The following MAF variants were observed in gnomAD, a reference collection of about 807,000 sequenced individuals.
The protein encoded by MAF is MAF bZIP transcription factor.
MAF carries 10 observed loss-of-function variants against 22.0 expected under a neutral mutation model. The ratio of observed to expected loss-of-function variants is 0.45; its 90% CI spans 0.28 to 0.77. The LOEUF (loss-of-function observed/expected upper bound fraction) is 0.77, where lower values mean the gene tolerates loss of function less well. MAF is among the 30% of genes least tolerant of loss of function. MAF has a pLI of 0.12. For missense variants in MAF, 544 were observed against 548.4 expected, an observed-to-expected ratio of 0.99 and a Z score of 0.08; for synonymous variants, 337 against 255.8, an observed-to-expected ratio of 1.32 and a Z score of -3.03.
the MAF span, among the ~76,000 whole-genome samples, chr16:79,370,267 G>C: frequency 6.6e-6 from 1 of 152,204 alleles, no homozygotes; most frequent in East Asian, 1.9e-4. Flanking sequence ...TCTTTGGGTT[G>C]AGACTGGAGG....
the MAF span, among the ~76,000 whole-genome samples, chr16:79,540,915 C>T: frequency 6.6e-6 from 1 of 151,808 alleles, no homozygotes; most frequent in African/African-American, 2.4e-5. Context: ...GTACTTTTAC[C>T]ATTAATACGA....
chr16:79,221,559 T>G, the MAF span, among the ~76,000 whole-genome samples: 7 of 152,250 alleles, frequency 4.6e-5, no homozygotes, highest in African/African-American at 1.4e-4. Context: ...AAAATCACTA[T>G]GATCCTTATT....
the MAF span, among the ~76,000 whole-genome samples, chr16:79,405,014 G>C: frequency 4.6e-5 from 7 of 152,144 alleles, no homozygotes; most frequent in Non-Finnish European, 8.8e-5. Context: ...TGTGTCACCG[G>C]GTACTGGAAG....
chr16:79,362,886 C>G, the MAF span, among the ~76,000 whole-genome samples: 1 of 152,180 alleles, frequency 6.6e-6, no homozygotes, highest in Non-Finnish European at 1.5e-5. Context: ...TAAGTTAAAG[C>G]AAAATGCCTG....
At chr16:79,537,109 G>T in the MAF span, among the ~76,000 whole-genome samples, 408 of 152,308 alleles carry the variant, frequency 2.7e-3, 1 homozygote, top group African/African-American at 9.4e-3. Flanking sequence ...ATCCTGGGAA[G>T]ACTACATACT....
the MAF span, among the ~76,000 whole-genome samples, chr16:79,428,867 T>G: frequency 6.6e-6 from 1 of 150,538 alleles, no homozygotes; most frequent in Non-Finnish European, 1.5e-5. Context: ...ATAATAATAA[T>G]AATAGTAATA....
the MAF span, among the ~76,000 whole-genome samples, chr16:79,580,511 C>T: frequency 6.6e-6 from 1 of 152,154 alleles, no homozygotes; most frequent in Non-Finnish European, 1.5e-5. Flanking sequence ...AGAAAAACAT[C>T]GAAGATGCAG....
the MAF span, among the ~76,000 whole-genome samples, chr16:79,344,602 T>C: frequency 1.3e-5 from 2 of 152,206 alleles, no homozygotes; most frequent in African/African-American, 4.8e-5. Context: ...AGGAGGCTCT[T>C]GGAAACTGTC....
the MAF span, among the ~76,000 whole-genome samples, chr16:79,534,389 C>A: frequency 6.6e-6 from 1 of 152,306 alleles, no homozygotes; most frequent in South Asian, 2.1e-4. Context: ...ATTTAAAAGA[C>A]TTGAGTCTCA....
the MAF span, among the ~76,000 whole-genome samples, chr16:79,457,955 T>C: frequency 6.6e-6 from 1 of 152,040 alleles, no homozygotes; most frequent in Non-Finnish European, 1.5e-5. Flanking sequence ...AGAACATTTT[T>C]AGACTTTAAA....
the MAF span, among the ~76,000 whole-genome samples, chr16:79,228,751 T>C: frequency 1.4e-4 from 21 of 151,852 alleles, no homozygotes; most frequent in African/African-American, 4.8e-4. Context: ...AGTTACAAGG[T>C]AATTTGCTCA....
At chr16:79,420,967 G>A in the MAF span, among the ~76,000 whole-genome samples, 1 of 151,938 alleles carries the variant, frequency 6.6e-6, no homozygotes, top group Non-Finnish European at 1.5e-5. Flanking sequence ...CCGGGAGGCG[G>A]AGGTTGCAGT....
chr16:79,397,094 G>A, the MAF span, among the ~76,000 whole-genome samples: 6 of 152,256 alleles, frequency 3.9e-5, no homozygotes, highest in Non-Finnish European at 7.3e-5. Context: ...CCAGGATTAA[G>A]TGAGCCAACC....
the MAF span, among the ~76,000 whole-genome samples, chr16:79,374,945 G>A: frequency 6.6e-6 from 1 of 152,166 alleles, no homozygotes; most frequent in Non-Finnish European, 1.5e-5. Context: ...TTTCATGTGT[G>A]CATATGTGTT....
At chr16:79,574,446 G>T in the MAF span, among the ~76,000 whole-genome samples, 3 of 152,182 alleles carry the variant, frequency 2.0e-5, no homozygotes, top group African/African-American at 7.2e-5. Flanking sequence ...TCTGCAGAAT[G>T]TTTTTAAAAA....
At chr16:79,297,785 G>A in the MAF span, among the ~76,000 whole-genome samples, 2 of 152,188 alleles carry the variant, frequency 1.3e-5, no homozygotes, top group East Asian at 1.9e-4. Flanking sequence ...TTCTCTATGC[G>A]AGGGACTGGT....
the MAF span, among the ~76,000 whole-genome samples, chr16:79,290,109 G>A: frequency 0.062 from 9,453 of 151,984 alleles, 1,009 homozygotes; most frequent in African/African-American, 0.22. Context: ...CACCCACCTC[G>A]GCCTCCCAAA....
chr16:79,272,176 G>A, the MAF span, among the ~76,000 whole-genome samples: 3 of 152,208 alleles, frequency 2.0e-5, no homozygotes, highest in South Asian at 2.1e-4. Context: ...AGCTTGATGT[G>A]GCGTCTCTGG....
At chr16:79,538,300 A>C in the MAF span, among the ~76,000 whole-genome samples, 178 of 152,368 alleles carry the variant, frequency 1.2e-3, no homozygotes, top group African/African-American at 3.9e-3. Context: ...ATGCATATAC[A>C]AACCATTAGA....
Sources: allele counts gnomAD v4.1 joint callset (sites outside exome capture counted in the v4.1 genomes callset), GRCh38; gene constraint gnomAD v4.1.1; transcripts MANE v1.5; gene names NCBI Gene and HGNC (gene_info 2026-07-23, HGNC 2026-07-21).